The following UBAP2 variants were observed in gnomAD, a reference collection of about 807,000 sequenced individuals.
The protein encoded by UBAP2 is ubiquitin-associated protein 2.
Under a neutral mutation model 139.6 loss-of-function variants are expected in UBAP2, and 75 were observed. The observed-to-expected ratio is 0.54, with a 90% confidence interval of 0.45 to 0.65. UBAP2 has a LOEUF of 0.65. Ranked by LOEUF, UBAP2 falls within the 30% of genes least tolerant of loss-of-function variation. The pLI is 0.00. For synonymous variants in UBAP2, 526 were observed against 526.2 expected, an observed-to-expected ratio of 1.00 and a Z score of 0.01; for missense variants, 1,368 against 1,369.6, an observed-to-expected ratio of 1.00 and a Z score of 0.02.
intron 1 of UBAP2, among the ~76,000 whole-genome samples, chr9:34,033,713 G>A (rs1345662265): frequency 1.3e-5 from 2 of 150,962 alleles, no homozygotes; most frequent in Admixed American, 6.6e-5. Flanking sequence ...AAGCAGCTGC[G>A]ACTACAGTCA....
intron 6 of UBAP2, among the ~76,000 whole-genome samples, chr9:33,976,761 CT>C (rs1386189473): frequency 6.6e-6 from 1 of 151,958 alleles, no homozygotes; most frequent in African/African-American, 2.4e-5. Context: ...CTTTGGGAGG[CT>C]GAGGCAGGTG....
At chr9:33,995,963 A>C (rs1434791726) in intron 4 of UBAP2, 1 of 332,138 alleles carries the variant, frequency 3.0e-6, no homozygotes, top group Non-Finnish European at 5.5e-6. Context: ...AAATATACAC[A>C]GGCACAGAGA....
intron 8 of UBAP2, 54 bp downstream of exon 8, chr9:33,971,597 C>T: frequency 3.9e-6 from 4 of 1,030,778 alleles, no homozygotes; most frequent in South Asian, 1.3e-5. Flanking sequence ...GAACATACAA[C>T]TCTTAATAGC....
At chr9:33,928,659 C>G (rs1564016202) in intron 19 of UBAP2, 1 of 152,428 alleles carries the variant, frequency 6.6e-6, no homozygotes, top group Non-Finnish European at 1.5e-5. Flanking sequence ...GCCCCGAGTC[C>G]CAGAAGCCCT....
chr9:34,029,880 G>C, intron 1 of UBAP2, among the ~76,000 whole-genome samples: 1 of 151,998 alleles, frequency 6.6e-6, no homozygotes, highest in East Asian at 1.9e-4. Context: ...CCAGCTACTC[G>C]GGAGGCTGAG....
intron 19 of UBAP2, among the ~76,000 whole-genome samples, chr9:33,930,895 CAAAA>C (rs57202118): frequency 5.5e-5 from 4 of 73,250 alleles, no homozygotes; most frequent in African/African-American, 1.4e-4. Context: ...GACTGCATCT[CAAAA>C]AAAAAAAAAA....
rs561424875 is a variant in UBAP2 at position 33,954,517 on chromosome 9, T to C, written c.867-1043A>G. ...TGCACCGTATTACCTAACCTTGTAA[T>C]GAATGCCATTGAATCCTTTCAAAGG... is the stretch of plus-strand genomic sequence containing the variant. On this transcript the variant is annotated intron_variant, in intron 11 of 28. Transcript: ENST00000379238. 6.6e-5 allele frequency among the ~76,000 whole-genome samples: 10 copies of C among 152,274 alleles called. 1 individual carries two copies. Among genetic ancestry groups the C allele is most frequent in the African/African-American group, 2.4e-4 (10 of 41,562 alleles).
In UBAP2 at chr9:33,933,588, CACA is replaced by C; in HGVS notation, c.2007_2009del (p.Val670del). ...AGGAGGTGGTGCTGGGCAGGGAGCT[CACA>C]GACGGGAGGGCAGAGGGAGGGCCTG... is the stretch of plus-strand genomic sequence containing the variant. On this transcript the variant is annotated inframe_deletion, in exon 18 of 29. Transcript: ENST00000379238. 6.2e-7 allele frequency: 1 copy of C among 1,613,972 alleles called. No individual in the cohort carries two copies. Among genetic ancestry groups the C allele is most frequent in the East Asian group, 2.2e-5 (1 of 44,878 alleles).
At chr9:33,949,219 G>A (rs908411398) in intron 12 of UBAP2, among the ~76,000 whole-genome samples, 13 of 151,702 alleles carry the variant, frequency 8.6e-5, no homozygotes. Flanking sequence ...AAAAAGTGAT[G>A]TCATAAGTTC....
At chr9:33,997,321 A>G (rs1488225197) in intron 3 of UBAP2, 1 of 152,236 alleles carries the variant, frequency 6.6e-6, no homozygotes, top group Non-Finnish European at 1.5e-5. Flanking sequence ...CTATGATTTA[A>G]TATCTATTGC....
chr9:34,039,500 T>A (rs1265508572), intron 1 of UBAP2, among the ~76,000 whole-genome samples: 1 of 152,228 alleles, frequency 6.6e-6, no homozygotes, highest in Non-Finnish European at 1.5e-5. Context: ...CATTTTGTTC[T>A]GTACTAAGAA....
At chr9:34,037,230 C>T (rs1055980464) in intron 1 of UBAP2, among the ~76,000 whole-genome samples, 1 of 152,046 alleles carries the variant, frequency 6.6e-6, no homozygotes, top group Non-Finnish European at 1.5e-5. Flanking sequence ...CCTCGTGATC[C>T]GCCCGCCTCG....
intron 1 of UBAP2, among the ~76,000 whole-genome samples, chr9:34,046,166 T>C (rs1277408266): frequency 2.6e-5 from 4 of 152,190 alleles, no homozygotes; most frequent in Non-Finnish European, 4.4e-5. Context: ...CAGAGAACTT[T>C]ACAATCTGTA....
intron 2 of UBAP2, among the ~76,000 whole-genome samples, chr9:34,011,111 C>T (rs922478154): frequency 1.3e-5 from 2 of 152,104 alleles, no homozygotes; most frequent in Non-Finnish European, 1.5e-5. Context: ...CAAACAAGCA[C>T]TTGATGGGTG....
chr9:34,035,684 CAAAAAT>C (rs1039001251), intron 1 of UBAP2, among the ~76,000 whole-genome samples: 5 of 150,424 alleles, frequency 3.3e-5, no homozygotes, highest in Non-Finnish European at 5.9e-5. Flanking sequence ...GACTCCATCT[CAAAAAT>C]AAAGAAAGAA....
At chr9:34,010,242 G>A (rs1465889649) in intron 2 of UBAP2, among the ~76,000 whole-genome samples, 4 of 149,780 alleles carry the variant, frequency 2.7e-5, no homozygotes, top group African/African-American at 9.7e-5. Context: ...TGGCCAACAT[G>A]GTGAAACCCC....
rs117553005 is a variant in UBAP2 at position 33,999,258 on chromosome 9, C to A, written c.100-394G>T. On this transcript the variant is annotated intron_variant, in intron 2 of 28. Coordinates refer to ENST00000379238, the MANE Select transcript of UBAP2 (RefSeq NM_001370062.2). ...GCCAAGGTAGAAGCACTGCTTGAGC[C>A]CAGGAGTTCGAAATTAGCCTGGGCA... 5.1e-3 allele frequency among the ~76,000 whole-genome samples: 777 copies of A among 151,510 alleles called. 5 individuals are homozygous for A. The highest frequency in any genetic ancestry group is 8.0e-3 in the Non-Finnish European group (544 of 67,912).
chr9:34,044,540 C>T (rs780272524), intron 1 of UBAP2, among the ~76,000 whole-genome samples: 1 of 151,712 alleles, frequency 6.6e-6, no homozygotes, highest in African/African-American at 2.4e-5. Flanking sequence ...CCAGCCTGGG[C>T]GACAGAGAAA....
At chr9:33,962,672 ATAAATAAATAAT>A (rs1564032657) in intron 9 of UBAP2, among the ~76,000 whole-genome samples, 2 of 134,114 alleles carry the variant, frequency 1.5e-5, no homozygotes, top group Admixed American at 1.5e-4. Context: ...AAATAAATAA[ATAAATAAATAAT>A]TAAAAAATAG....
Sources: gnomAD v4.1 joint callset for allele counts (sites outside exome capture counted in the v4.1 genomes callset) on GRCh38, gnomAD v4.1.1 for gene constraint, MANE v1.5 for transcripts, NCBI Gene and HGNC (gene_info 2026-07-23, HGNC 2026-07-21) for gene names.